The following CAGE1 variants were observed in gnomAD, a reference collection of about 807,000 sequenced individuals.
CAGE1 encodes the protein cancer-associated gene 1 protein.
A neutral mutation model predicts 94.9 loss-of-function variants in CAGE1; 66 were observed. The observed-to-expected ratio is 0.70, with a 90% confidence interval of 0.57 to 0.85. The LOEUF is 0.85. CAGE1 is among the 40% of genes least tolerant of loss of function. The pLI is 0.00. For synonymous variants in CAGE1, 319 were observed against 321.0 expected (o/e 0.99, Z 0.07); for missense variants, 865 against 950.4 (o/e 0.91, Z 1.18).
rs150153653 is a variant in CAGE1 at position 7,362,877 on chromosome 6, C to T, written c.2193+2591G>A. Among the ~76,000 whole-genome samples, 1 of 152,256 alleles carries T rather than the reference C, an allele frequency of 6.6e-6. No individual in the cohort carries two copies. The highest frequency in any genetic ancestry group is 6.5e-5 in the Admixed American group (1 of 15,292). ...TGTTTTATCTTTCTCCAACCCTGCC[C>T]CTACACCTACTATGCCACCTTTTTG... On this transcript the variant is annotated intron_variant, in intron 9 of 13. Coordinates refer to ENST00000502583, the MANE Select transcript of CAGE1 (RefSeq NM_001170692.2). This position sits in a 1 kb window ranked among gnomAD's most constrained non-coding sequence, Gnocchi z 4.1.
At chr6:7,364,746 G>C (rs1561860465) in intron 9 of CAGE1, among the ~76,000 whole-genome samples, 1 of 152,000 alleles carries the variant, frequency 6.6e-6, no homozygotes, top group African/African-American at 2.4e-5. Flanking sequence ...TGGATTACAG[G>C]CATGAGCCAC....
chr6:7,365,873 A>G lies in CAGE1; in HGVS notation c.2016T>C (p.His672=). The change falls in exon 8 of 14, where the codon CAT becomes CAC. Residue 672 remains histidine, a synonymous_variant. Transcript: ENST00000502583. The part of the protein sequence containing the change: ...KKTLDKELLK[H]KDRITTFREL... ...CTCTAAAGGTTGTGATTCTATCTTT[A>G]TGTTTCAGTAGCTAAGAAAAGGAAA... 6.6e-7 allele frequency: 1 copy of G among 1,511,226 alleles called. No homozygotes were observed. The allele number at this position is 1,511,226 out of a possible 1,614,324, so 93.6% of individuals were successfully genotyped here. A position where few individuals can be genotyped will look rare whatever the true frequency, so the allele number is the denominator to read the frequency against.
At chr6:7,388,868 A>G (rs1042247676) in intron 1 of CAGE1, among the ~76,000 whole-genome samples, 4 of 152,282 alleles carry the variant, frequency 2.6e-5, no homozygotes, top group Admixed American at 6.5e-5. Context: ...TGTTTTCCCA[A>G]TGCAAAAAAG....
intron 4 of CAGE1, among the ~76,000 whole-genome samples, chr6:7,376,285 A>G (rs1760739645): frequency 6.6e-6 from 1 of 152,104 alleles, no homozygotes; most frequent in African/African-American, 2.4e-5. Flanking sequence ...GCTACTGGGA[A>G]GGGTGAAGCA....
chr6:7,366,773 T>C (rs553763226), intron 7 of CAGE1, among the ~76,000 whole-genome samples: 8 of 152,036 alleles, frequency 5.3e-5, no homozygotes, highest in Admixed American at 2.6e-4. Context: ...CTGTGGTAAG[T>C]CATAGCTGTG....
intron 13 of CAGE1, among the ~76,000 whole-genome samples, chr6:7,327,899 C>G (rs1764130894): frequency 6.6e-6 from 1 of 151,990 alleles, no homozygotes; most frequent in African/African-American, 2.4e-5. Context: ...CATTGCACTC[C>G]AGCCTGGGCA....
At chr6:7,353,610 T>G (rs1759854919) in intron 11 of CAGE1, among the ~76,000 whole-genome samples, 1 of 151,340 alleles carries the variant, frequency 6.6e-6, no homozygotes, top group African/African-American at 2.4e-5. Context: ...GTTTGTAGCA[T>G]CACAACTCAA....
chr6:7,373,876 T>C lies in CAGE1; in HGVS notation c.943A>G (p.Thr315Ala). 1.2e-6 allele frequency: 2 copies of C among 1,614,010 alleles called. No individual in the cohort carries two copies. The highest frequency in any genetic ancestry group is 1.7e-6 in the Non-Finnish European group (2 of 1,179,870). ...ATTCGCACTTCCTGCTTTCTGTTAG[T>C]ATGTTTTAATTTCTGCAAGACTTCA... ...LNEVLQKLKH[T>A]NRKQEVRIQE... is the part of the protein sequence containing the mutation. Residue 315 changes from threonine to alanine, a missense_variant, in exon 5 of 14, where the codon ACT becomes GCT. Coordinates refer to ENST00000502583, the MANE Select transcript of CAGE1 (RefSeq NM_001170692.2).
Position 7,326,792 on chromosome 6 carries a change from A to G in CAGE1, c.*66T>C, listed in dbSNP as rs1758556182. 2.8e-6 allele frequency: 3 copies of G among 1,079,892 alleles called. No individual in the cohort carries two copies. Among genetic ancestry groups the G allele is most frequent in the African/African-American group, 1.6e-5 (1 of 64,488 alleles). The allele number at this position is 1,079,892 out of a possible 1,614,324, so 66.9% of individuals were successfully genotyped here. ...ATCTGCATGGATTGATTTGGCTAGCATATGTAGTAATGACTCTTCCTGGAG... is the reference window on the plus strand; with the variant it reads ...ATCTGCATGGATTGATTTGGCTAGCGTATGTAGTAATGACTCTTCCTGGAG... On this transcript the variant is annotated 3_prime_UTR_variant, in exon 14 of 14. Coordinates refer to ENST00000502583, the MANE Select transcript of CAGE1 (RefSeq NM_001170692.2).
chr6:7,366,017 G>A lies in CAGE1; in HGVS notation c.2005-133C>T, dbSNP rs974354441. The A allele has an allele frequency of 9.0e-6, 5 of 558,422 alleles. 1 individual carries two copies. Among genetic ancestry groups the A allele is most frequent in the South Asian group, 7.1e-5 (3 of 42,424 alleles). 34.6% of individuals were successfully genotyped at this position (558,422 alleles called of 1,614,324 possible). On this transcript the variant is annotated intron_variant, in intron 7 of 13. Transcript: ENST00000502583. ...TCCCAGCACTTTGGGATGCTGAGGC[G>A]GGTGGATCACCTCAGGTCAGGAGTT... is the stretch of plus-strand genomic sequence containing the variant.
chr6:7,341,613 G>T, intron 11 of CAGE1: 1 of 805,002 alleles, frequency 1.2e-6, no homozygotes, highest in Non-Finnish European at 2.2e-6. Context: ...CAGCAAGGTG[G>T]AACAGATGGG....
chr6:7,335,742 T>C (rs1427141706), intron 11 of CAGE1, among the ~76,000 whole-genome samples: 1 of 152,162 alleles, frequency 6.6e-6, no homozygotes, highest in African/African-American at 2.4e-5. Flanking sequence ...ACCTGACTAA[T>C]TGTTTTACTA....
chr6:7,348,188 G>A (rs772688966), intron 11 of CAGE1, among the ~76,000 whole-genome samples: 7 of 152,100 alleles, frequency 4.6e-5, no homozygotes, highest in African/African-American at 9.7e-5. Context: ...CCCCTGCCAC[G>A]TCCACGGGAA....
In CAGE1 at chr6:7,387,216, C is replaced by T; in HGVS notation, c.-23-20G>A. On this transcript the variant is annotated intron_variant, in intron 1 of 13. Transcript: ENST00000502583. ...AGACTTCTTTAAAAAAAAAATGTGTCTATTAGTAGGTATAAACAAAAAGTT... is the reference window on the plus strand; with the variant it reads ...AGACTTCTTTAAAAAAAAAATGTGTTTATTAGTAGGTATAAACAAAAAGTT... 6.9e-7 allele frequency: 1 copy of T among 1,457,016 alleles called. No individual in the cohort carries two copies. The highest frequency in any genetic ancestry group is 9.4e-7 in the Non-Finnish European group (1 of 1,068,994). 90.3% of individuals were successfully genotyped at this position (1,457,016 alleles called of 1,614,324 possible).
intron 4 of CAGE1, among the ~76,000 whole-genome samples, chr6:7,375,968 C>T (rs992022367): frequency 2.0e-5 from 3 of 152,064 alleles, no homozygotes; most frequent in Admixed American, 6.6e-5. Context: ...GTTAACGTGC[C>T]GGAAGCTTGA....
intron 13 of CAGE1, among the ~76,000 whole-genome samples, 162 bp downstream of exon 13, chr6:7,329,687 C>T (rs747560866): frequency 3.3e-5 from 5 of 152,010 alleles, no homozygotes; most frequent in Non-Finnish European, 7.4e-5. Context: ...ATTATAGCAC[C>T]AGCTATGACA....
chr6:7,355,592 T>C (rs1488817979), intron 10 of CAGE1, among the ~76,000 whole-genome samples: 2 of 152,234 alleles, frequency 1.3e-5, no homozygotes, highest in East Asian at 3.8e-4. Flanking sequence ...ATAATATCAT[T>C]ATGAAGTAAA....
At chr6:7,354,971 G>T in intron 11 of CAGE1, 70 bp downstream of exon 11, 1 of 1,152,620 alleles carries the variant, frequency 8.7e-7, no homozygotes. Context: ...CTGAAAAAAA[G>T]AATTTAGAAT....
intron 11 of CAGE1, among the ~76,000 whole-genome samples, chr6:7,351,633 C>G (rs1238670276): frequency 6.8e-6 from 1 of 146,848 alleles, no homozygotes; most frequent in Non-Finnish European, 1.5e-5. Context: ...AACTCCTTAA[C>G]AAAATACTAG....
Sources: gnomAD v4.1 joint callset for allele counts (sites outside exome capture counted in the v4.1 genomes callset) on GRCh38, gnomAD v4.1.1 for gene constraint, Gnocchi (gnomAD v3.1) non-coding constraint, MANE v1.5 for transcripts, NCBI Gene and HGNC (gene_info 2026-07-23, HGNC 2026-07-21) for gene names.